Variants in GPC6 observed in about 807,000 individuals in gnomAD.
The protein encoded by GPC6 is glypican-6.
In GPC6, 14 loss-of-function variants were observed where a neutral mutation model predicts 55.2. That is an observed-to-expected ratio of 0.25 (90% confidence interval 0.17 to 0.40). GPC6 has a LOEUF of 0.40. Among genes scored for constraint, GPC6 ranks in the 10% least tolerant of loss-of-function variants. The pLI is 1.00. For missense variants in GPC6, 641 were observed against 708.5 expected (o/e 0.90, Z 1.08); for synonymous variants, 278 against 259.6 (o/e 1.07, Z -0.68).
chr13:94,310,799 G>C (rs1876204486), intron 6 of GPC6, among the ~76,000 whole-genome samples: 1 of 152,136 alleles, frequency 6.6e-6, no homozygotes, highest in Non-Finnish European at 1.5e-5. Flanking sequence ...CTTGGTGGAA[G>C]ACCAGCTCAT....
At chr13:93,771,295 C>T (rs543343981) in intron 2 of GPC6, among the ~76,000 whole-genome samples, 3 of 152,292 alleles carry the variant, frequency 2.0e-5, no homozygotes, top group Non-Finnish European at 2.9e-5. Context: ...CTTCCTTCCT[C>T]GGTGAAAGGC....
In GPC6 at chr13:93,351,226, T is replaced by C. The variant is rs1323991; in HGVS notation, c.160+123610T>C. Among the ~76,000 whole-genome samples, 6 of 152,206 alleles carry C rather than the reference T, an allele frequency of 3.9e-5. No homozygotes were observed. In the South Asian group the frequency reaches 1.2e-3, roughly 31 times the overall value. On this transcript the variant is annotated intron_variant, in intron 1 of 8. Transcript: ENST00000377047. The stretch of plus-strand genomic sequence containing the variant: ...CAGGTGGAATATTAATTTCATCCTG[T>C]TTATAATAGTAGTTGCAGTTAAACA...
At chr13:93,719,074 TTGG>T in intron 2 of GPC6, among the ~76,000 whole-genome samples, 1 of 152,224 alleles carries the variant, frequency 6.6e-6, no homozygotes, top group Non-Finnish European at 1.5e-5. Flanking sequence ...GGGCTGTTTT[TTGG>T]TTCCATATAA....
intron 2 of GPC6, among the ~76,000 whole-genome samples, chr13:93,687,776 A>T (rs1265211260): frequency 7.8e-6 from 1 of 127,736 alleles, no homozygotes; most frequent in African/African-American, 2.8e-5. Context: ...GCTACTACGT[A>T]TCATGAGAAG....
intron 4 of GPC6, among the ~76,000 whole-genome samples, chr13:94,039,893 A>G (rs879436793): frequency 1.3e-5 from 2 of 151,902 alleles, no homozygotes; most frequent in African/African-American, 2.4e-5. Flanking sequence ...GCCTTTGTCT[A>G]TATGCTCCAA....
chr13:93,963,334 G>A (rs1879874371), intron 3 of GPC6, among the ~76,000 whole-genome samples: 1 of 151,920 alleles, frequency 6.6e-6, no homozygotes, highest in Admixed American at 6.6e-5. Context: ...ACTCATTTGT[G>A]ATTACTGAAT....
At position 94,045,014 on chromosome 13, in the gene GPC6, A is replaced by G. The variant is rs572191662; in HGVS notation, c.877+17120A>G. On this transcript the variant is annotated intron_variant, in intron 4 of 8. Coordinates refer to ENST00000377047, the MANE Select transcript of GPC6 (RefSeq NM_005708.5). ...ATAAGAGTGAGATATATATTTGTGA[A>G]TAGCCTATGTTACCACAGCAGATAA... 3.3e-5 allele frequency among the ~76,000 whole-genome samples: 5 copies of G among 151,972 alleles called. No homozygotes were observed. In the East Asian group the frequency reaches 9.7e-4, roughly 29 times the overall value.
At chr13:93,521,555 T>G (rs1881423083) in intron 1 of GPC6, among the ~76,000 whole-genome samples, 1 of 151,990 alleles carries the variant, frequency 6.6e-6, no homozygotes, top group African/African-American at 2.4e-5. Flanking sequence ...ACTTTTACTT[T>G]GAACTGTCTA....
At chr13:94,159,499 C>T (rs1031307915) in intron 4 of GPC6, among the ~76,000 whole-genome samples, 2 of 152,144 alleles carry the variant, frequency 1.3e-5, no homozygotes, top group African/African-American at 4.8e-5. Context: ...CATCAGATCT[C>T]ATGAGACTTA....
Position 93,871,436 on chromosome 13 carries a change from T to C in GPC6, c.711+40891T>C, listed in dbSNP as rs1025297436. On this transcript the variant is annotated intron_variant, in intron 3 of 8. Coordinates refer to ENST00000377047, the MANE Select transcript of GPC6 (RefSeq NM_005708.5). Reference sequence around the variant, plus strand: ...TTCGAGTTTATTCAACTGTAATGACTTCATAGAGGATAATCAGTTGTCCTT... The same window carrying C: ...TTCGAGTTTATTCAACTGTAATGACCTCATAGAGGATAATCAGTTGTCCTT... Among the ~76,000 whole-genome samples, 4 of 151,978 alleles carry C rather than the reference T, an allele frequency of 2.6e-5. No individual in the cohort carries two copies. In the South Asian group the frequency reaches 6.2e-4, roughly 24 times the overall value.
intron 1 of GPC6, among the ~76,000 whole-genome samples, chr13:93,389,509 A>C (rs1463517869): frequency 2.0e-5 from 3 of 151,676 alleles, no homozygotes; most frequent in Non-Finnish European, 2.9e-5. Flanking sequence ...ATCTCAAAAA[A>C]AAAAAAAAAA....
intron 3 of GPC6, among the ~76,000 whole-genome samples, chr13:93,964,240 T>A (rs1426060716): frequency 6.6e-6 from 1 of 152,106 alleles, no homozygotes; most frequent in East Asian, 1.9e-4. Context: ...CCTTGCATAG[T>A]GAAAAAGGTA....
intron 2 of GPC6, among the ~76,000 whole-genome samples, chr13:93,681,542 A>G (rs909429699): frequency 6.6e-6 from 1 of 152,170 alleles, no homozygotes; most frequent in Admixed American, 6.5e-5. Context: ...ATTAAATAAA[A>G]CTTAATTACA....
At chr13:93,536,174 T>C (rs1882054911) in intron 1 of GPC6, among the ~76,000 whole-genome samples, 1 of 152,156 alleles carries the variant, frequency 6.6e-6, no homozygotes, top group Admixed American at 6.6e-5. Flanking sequence ...GAGGAGAGAC[T>C]ATAAAACCTT....
intron 3 of GPC6, among the ~76,000 whole-genome samples, chr13:93,903,010 A>G (rs1876448858): frequency 6.6e-6 from 1 of 152,208 alleles, no homozygotes; most frequent in Non-Finnish European, 1.5e-5. Flanking sequence ...ATTGTGCTGC[A>G]AAAACTGGAT....
At position 94,080,716 on chromosome 13, in the gene GPC6, A is replaced by T. The variant is rs182780446; in HGVS notation, c.877+52822A>T. 2.6e-5 allele frequency among the ~76,000 whole-genome samples: 4 copies of T among 152,264 alleles called. No individual in the cohort carries two copies. In the East Asian group the frequency reaches 7.7e-4, roughly 29 times the overall value. ...AATGGCCACCCTGCTGTGTCCTCAC[A>T]TGAGGAAGAGAGAGCAACTTCTCTC... is the stretch of plus-strand genomic sequence containing the variant. On this transcript the variant is annotated intron_variant, in intron 4 of 8. Transcript: ENST00000377047.
chr13:93,619,639 A>T (rs1263369500), intron 2 of GPC6, among the ~76,000 whole-genome samples: 1 of 152,054 alleles, frequency 6.6e-6, no homozygotes, highest in Non-Finnish European at 1.5e-5. Flanking sequence ...TGTTTTGGAG[A>T]GATGGAGTCT....
chr13:93,819,359 G>A (rs2138962857), intron 2 of GPC6, among the ~76,000 whole-genome samples: 1 of 152,196 alleles, frequency 6.6e-6, no homozygotes, highest in South Asian at 2.1e-4. Flanking sequence ...GAAAGAACTG[G>A]GTTTGTGAAC....
intron 1 of GPC6, among the ~76,000 whole-genome samples, chr13:93,417,675 G>A (rs1566345774): frequency 6.6e-6 from 1 of 152,012 alleles, no homozygotes; most frequent in Non-Finnish European, 1.5e-5. Context: ...GCGTGGCCAA[G>A]CTGTGTGTGA....
Sources: allele counts gnomAD v4.1 joint callset (sites outside exome capture counted in the v4.1 genomes callset), GRCh38; gene constraint gnomAD v4.1.1; transcripts MANE v1.5; gene names NCBI Gene and HGNC (gene_info 2026-07-23, HGNC 2026-07-21).